DYNC2I2: variants seen among roughly 807,000 people sequenced by gnomAD.
DYNC2I2 encodes cytoplasmic dynein 2 intermediate chain 2.
In DYNC2I2, 39 loss-of-function variants were observed where a neutral mutation model predicts 52.0. The ratio of observed to expected loss-of-function variants is 0.75; its 90% confidence interval spans 0.58 to 0.98. The LOEUF is 0.98. DYNC2I2 is among the 50% of genes least tolerant of loss of function. DYNC2I2 has a pLI of 0.00. For missense variants in DYNC2I2, 743 were observed against 728.4 expected (o/e 1.02, Z -0.23); for synonymous variants, 359 against 321.1 (o/e 1.12, Z -1.26).
the DYNC2I2 span, among the ~76,000 whole-genome samples, chr9:128,676,785 A>G: frequency 6.2e-4 from 93 of 150,868 alleles, 2 homozygotes; most frequent in South Asian, 0.019. Flanking sequence ...TGCCTGCCTC[A>G]GCCTCCCCAA....
intron 1 of DYNC2I2, 93 bp from the exon 2 acceptor site, chr9:128,641,032 C>T: frequency 2.0e-6 from 3 of 1,465,176 alleles, no homozygotes; most frequent in East Asian, 2.4e-5. Context: ...TGACCCCCTC[C>T]TTGCTGCTGT....
chr9:128,642,327 G>A (rs965783821), intron 1 of DYNC2I2, among the ~76,000 whole-genome samples: 1 of 149,678 alleles, frequency 6.7e-6, no homozygotes, highest in African/African-American at 2.5e-5. Flanking sequence ...GTGGTGGCGC[G>A]TGCCTGTAAT....
At chr9:128,637,528 C>A (rs1360444098) in intron 2 of DYNC2I2, among the ~76,000 whole-genome samples, 1 of 152,148 alleles carries the variant, frequency 6.6e-6, no homozygotes, top group South Asian at 2.1e-4. Context: ...CTGCAACTGC[C>A]ACCTCCTGGG....
chr9:128,660,093 A>G (rs1443680347), upstream of DYNC2I2, among the ~76,000 whole-genome samples: 4 of 148,368 alleles, frequency 2.7e-5, no homozygotes, highest in Middle Eastern at 3.5e-3. Context: ...CTCAAAACTC[A>G]TTATTATTAT....
At position 128,633,896 on chromosome 9, in the gene DYNC2I2, A is replaced by G. The variant is rs750714061; in HGVS notation, c.1459T>C (p.Cys487Arg). ...GTCTGCTGGCTGTTGAACTCCAGAC[A>G]GTAGACAGGGCTTTCATCCTGGGTT... ...KQTQDESPVY[C>R]LEFNSQQTQL... Residue 487 changes from cysteine to arginine, a missense_variant, in exon 9 of 9, where the codon TGT becomes CGT. By Grantham distance (180) the Cys-to-Arg change is radical. Transcript: ENST00000372715. 3 of 1,613,454 alleles carry G rather than the reference A, an allele frequency of 1.9e-6. No homozygotes were observed. Among genetic ancestry groups the G allele is most frequent in the South Asian group, 1.1e-5 (1 of 91,088 alleles).
intron 2 of DYNC2I2, among the ~76,000 whole-genome samples, 198 bp from the exon 3 acceptor site, chr9:128,637,225 C>T (rs1860432313): frequency 6.6e-6 from 1 of 152,232 alleles, no homozygotes; most frequent in Non-Finnish European, 1.5e-5. Context: ...AAGGCATGGC[C>T]TGAGAAGCAA....
chr9:128,677,851 T>A, the DYNC2I2 span, among the ~76,000 whole-genome samples: 13 of 152,044 alleles, frequency 8.6e-5, no homozygotes, highest in African/African-American at 3.1e-4. Context: ...AGAGTAACAC[T>A]GCTACCACCT....
At chr9:128,668,463 G>A in the DYNC2I2 span, among the ~76,000 whole-genome samples, 7 of 151,866 alleles carry the variant, frequency 4.6e-5, no homozygotes, top group East Asian at 1.9e-4. Context: ...GCATTGGGTC[G>A]TAAATCACGA....
intron 1 of DYNC2I2, among the ~76,000 whole-genome samples, chr9:128,642,300 A>AT (rs1161533628): frequency 6.7e-6 from 1 of 149,462 alleles, no homozygotes; most frequent in African/African-American, 2.5e-5. Flanking sequence ...AAAAAAAAAA[A>AT]AAAAAATTAG....
the DYNC2I2 span, among the ~76,000 whole-genome samples, chr9:128,667,843 C>T: frequency 7.0e-6 from 1 of 143,558 alleles, no homozygotes; most frequent in Admixed American, 6.8e-5. Context: ...AGCGATTCTC[C>T]TGCCTCAGCC....
At chr9:128,652,801 T>G (rs529650381) in intron 1 of DYNC2I2, among the ~76,000 whole-genome samples, 1 of 146,412 alleles carries the variant, frequency 6.8e-6, no homozygotes, top group African/African-American at 2.6e-5. Flanking sequence ...TGCCTGTAAT[T>G]CCAGCTACTC....
At chr9:128,661,477 G>T (rs796650337), upstream of DYNC2I2, among the ~76,000 whole-genome samples, 1 of 151,668 alleles carries the variant, frequency 6.6e-6, no homozygotes, top group Non-Finnish European at 1.5e-5. Context: ...AATTATACGG[G>T]TGACATAGCG....
At chr9:128,642,493 G>T (rs1246107160) in intron 1 of DYNC2I2, among the ~76,000 whole-genome samples, 1 of 151,016 alleles carries the variant, frequency 6.6e-6, no homozygotes, top group African/African-American at 2.4e-5. Context: ...TATTGAGGCC[G>T]GGCGCAGTGG....
At chr9:128,674,567 C>T in the DYNC2I2 span, among the ~76,000 whole-genome samples, 4 of 151,940 alleles carry the variant, frequency 2.6e-5, no homozygotes, top group Non-Finnish European at 5.9e-5. Flanking sequence ...TATGGTGACA[C>T]CCTTGTCTGT....
chr9:128,658,040 C>G (rs915351997), upstream of DYNC2I2, among the ~76,000 whole-genome samples: 5 of 151,948 alleles, frequency 3.3e-5, no homozygotes, highest in African/African-American at 1.2e-4. Flanking sequence ...CTGCAGAGAG[C>G]CCTGATTGAA....
At chr9:128,667,376 T>G in the DYNC2I2 span, among the ~76,000 whole-genome samples, 1 of 151,908 alleles carries the variant, frequency 6.6e-6, no homozygotes, top group Non-Finnish European at 1.5e-5. Context: ...CCCAGGATGG[T>G]GTGCAGTGGC....
chr9:128,678,767 A>G, the DYNC2I2 span, among the ~76,000 whole-genome samples: 3 of 151,158 alleles, frequency 2.0e-5, no homozygotes, highest in African/African-American at 7.3e-5. Flanking sequence ...TGGCCAGGTA[A>G]TCTTATAATA....
At chr9:128,656,471 C>T in intron 1 of DYNC2I2, 70 bp downstream of exon 1, 1 of 1,173,064 alleles carries the variant, frequency 8.5e-7, no homozygotes, top group Non-Finnish European at 1.0e-6. Flanking sequence ...GACGCCCGAA[C>T]CCGCCCGGCA....
intron 2 of DYNC2I2, among the ~76,000 whole-genome samples, chr9:128,637,886 C>G (rs1860444749): frequency 6.6e-6 from 1 of 152,162 alleles, no homozygotes; most frequent in Non-Finnish European, 1.5e-5. Context: ...ATCCAAACAG[C>G]CTCTCAGATC....
Sources: gnomAD v4.1 joint callset for allele counts (sites outside exome capture counted in the v4.1 genomes callset) on GRCh38, gnomAD v4.1.1 for gene constraint, MANE v1.5 for transcripts, NCBI Gene and HGNC (gene_info 2026-07-23, HGNC 2026-07-21) for gene names.